SGTB: variants seen among roughly 807,000 people sequenced by gnomAD.
SGTB encodes small glutamine-rich tetratricopeptide repeat-containing protein beta.
A neutral mutation model predicts 43.9 loss-of-function variants in SGTB; 19 were observed. The ratio of observed to expected loss-of-function variants is 0.43; its 90% confidence interval spans 0.30 to 0.63. The LOEUF (loss-of-function observed/expected upper bound fraction) is 0.63, where lower values mean the gene tolerates loss of function less well. Among genes scored for constraint, SGTB ranks in the 30% least tolerant of loss-of-function variants. The probability of loss-of-function intolerance (pLI) is 0.12; values close to 1 mark genes in which losing one functional copy is unlikely to be tolerated. For synonymous variants in SGTB, 116 were observed against 117.3 expected, an observed-to-expected ratio of 0.99 and a Z score of 0.07; for missense variants, 304 against 358.9, an observed-to-expected ratio of 0.85 and a Z score of 1.24.
chr5:65,683,945 CAAAAAAAAAAAAAG>C (rs1372146015), intron 6 of SGTB, among the ~76,000 whole-genome samples: 1 of 80,564 alleles, frequency 1.2e-5, no homozygotes, highest in Non-Finnish European at 2.6e-5. Context: ...GACTCTGTCT[CAAAAAAAAAAAAAG>C]AAAAAAAGAG....
At chr5:65,712,536 C>T (rs1436107174) in intron 3 of SGTB, among the ~76,000 whole-genome samples, 4 of 152,166 alleles carry the variant, frequency 2.6e-5, no homozygotes, top group African/African-American at 9.7e-5. Context: ...TCAGAAATGA[C>T]GATTCAATTC....
At position 65,669,733 on chromosome 5, in the gene SGTB, T is replaced by TAATA. The variant is rs1757118305; in HGVS notation, c.*509_*512dup. On this transcript the variant is annotated 3_prime_UTR_variant, in exon 11 of 11. Coordinates refer to ENST00000381007, the MANE Select transcript of SGTB (RefSeq NM_019072.3). ...GGTTCCCATGTTATATATTCATTAC[T>TAATA]AATAGCACTTATCAAAGCTAAACCT... The TAATA allele has an allele frequency of 6.5e-6, 1 of 152,880 alleles. No individual in the cohort carries two copies. Among genetic ancestry groups the TAATA allele is most frequent in the South Asian group, 2.1e-4 (1 of 4,850 alleles). The allele number at this position is 152,880 out of a possible 1,614,324, so 9.5% of individuals were successfully genotyped here. A position where few individuals can be genotyped will look rare whatever the true frequency, so the allele number is the denominator to read the frequency against.
intron 5 of SGTB, among the ~76,000 whole-genome samples, chr5:65,704,009 G>A (rs1236895477): frequency 1.4e-5 from 2 of 147,478 alleles, no homozygotes; most frequent in African/African-American, 2.5e-5. Flanking sequence ...CTGCACTCCA[G>A]CCTGGGTGAC....
At chr5:65,718,446 AT>A (rs1758192072) in intron 2 of SGTB, among the ~76,000 whole-genome samples, 1 of 152,246 alleles carries the variant, frequency 6.6e-6, no homozygotes, top group East Asian at 1.9e-4. Context: ...ATCAATCAGT[AT>A]ATTGCAATTG....
At chr5:65,699,815 T>C (rs779727509) in intron 5 of SGTB, among the ~76,000 whole-genome samples, 66 of 152,262 alleles carry the variant, frequency 4.3e-4, no homozygotes, top group Admixed American at 2.0e-3. Flanking sequence ...AACATGAAAA[T>C]GGGAGTAAGA....
At chr5:65,709,222 C>T (rs1757997382) in intron 3 of SGTB, among the ~76,000 whole-genome samples, 1 of 151,968 alleles carries the variant, frequency 6.6e-6, no homozygotes, top group African/African-American at 2.4e-5. Flanking sequence ...TGTCTAATAT[C>T]CTATCTAAGA....
intron 5 of SGTB, among the ~76,000 whole-genome samples, chr5:65,686,641 G>A (rs897116383): frequency 6.6e-6 from 1 of 151,796 alleles, no homozygotes; most frequent in Non-Finnish European, 1.5e-5. Flanking sequence ...TTACAGGCAT[G>A]AGCCACCGCA....
chr5:65,680,896 T>A, intron 6 of SGTB, 102 bp from the exon 7 acceptor site: 1 of 1,255,162 alleles, frequency 8.0e-7, no homozygotes, highest in Non-Finnish European at 1.1e-6. Flanking sequence ...TCAGTTCTAA[T>A]CCAGATTACA....
At chr5:65,716,345 A>T (rs764806881) in intron 2 of SGTB, among the ~76,000 whole-genome samples, 2 of 152,264 alleles carry the variant, frequency 1.3e-5, no homozygotes, top group Non-Finnish European at 2.9e-5. Flanking sequence ...TTTTGAGTAG[A>T]TAAATGATAG....
At position 65,671,911 on chromosome 5, in the gene SGTB, T is replaced by G. The variant is rs998325091; in HGVS notation, c.803+4A>C. ...TCACTATTTCTGTTTTAAATAATAC[T>G]TACGCTTGGATGAGGCTTGACAGGT... is the stretch of plus-strand genomic sequence containing the variant. On this transcript the variant is annotated splice_donor_region_variant and intron_variant, in intron 10 of 10. Transcript: ENST00000381007. 119 of 1,613,190 alleles carry G rather than the reference T, an allele frequency of 7.4e-5. No individual in the cohort carries two copies. Among genetic ancestry groups the G allele is most frequent in the Non-Finnish European group, 9.7e-5 (115 of 1,179,588 alleles).
intron 8 of SGTB, among the ~76,000 whole-genome samples, chr5:65,676,552 T>A (rs1020281415): frequency 4.6e-5 from 7 of 151,994 alleles, no homozygotes; most frequent in Non-Finnish European, 7.4e-5. Flanking sequence ...ACAAAGATAT[T>A]CAAACCTGAC....
At chr5:65,683,698 G>A (rs1184067856) in intron 6 of SGTB, among the ~76,000 whole-genome samples, 2 of 152,202 alleles carry the variant, frequency 1.3e-5, no homozygotes, top group Non-Finnish European at 2.9e-5. Context: ...TGTAATCCCA[G>A]CACTTTGGGA....
At chr5:65,702,060 T>C (rs951933160) in intron 5 of SGTB, among the ~76,000 whole-genome samples, 10 of 152,298 alleles carry the variant, frequency 6.6e-5, no homozygotes, top group African/African-American at 2.2e-4. Context: ...ATATAGAACA[T>C]TTCGATCACT....
At chr5:65,679,709 T>C (rs897438730) in intron 8 of SGTB, among the ~76,000 whole-genome samples, 4 of 152,200 alleles carry the variant, frequency 2.6e-5, no homozygotes, top group Non-Finnish European at 5.9e-5. Flanking sequence ...TTTAACACTG[T>C]TGGTGGAAAT....
chr5:65,714,401 A>G (rs1270350051), intron 2 of SGTB, among the ~76,000 whole-genome samples: 1 of 152,226 alleles, frequency 6.6e-6, no homozygotes, highest in Non-Finnish European at 1.5e-5. Context: ...TAAGCAAAAT[A>G]TAAAGCATGT....
chr5:65,700,598 G>A (rs1375181151), intron 5 of SGTB, among the ~76,000 whole-genome samples: 1 of 149,992 alleles, frequency 6.7e-6, no homozygotes, highest in East Asian at 2.0e-4. Context: ...GGAGAATGGC[G>A]TGAACCCGGG....
chr5:65,687,732 T>C (rs1757527003), intron 5 of SGTB, among the ~76,000 whole-genome samples: 1 of 152,182 alleles, frequency 6.6e-6, no homozygotes, highest in Non-Finnish European at 1.5e-5. Flanking sequence ...TGAATGACAA[T>C]GGAATCCTAC....
At chr5:65,684,221 A>G (rs554328004) in intron 6 of SGTB, among the ~76,000 whole-genome samples, 7 of 151,952 alleles carry the variant, frequency 4.6e-5, no homozygotes, top group African/African-American at 1.7e-4. Context: ...AGTAGCTGGG[A>G]CTACAGGTGT....
chr5:65,722,225 C>A (rs1006960728), upstream of SGTB: 4 of 423,324 alleles, frequency 9.4e-6, no homozygotes, highest in Admixed American at 4.7e-5. Context: ...GTGGAGCTGC[C>A]GCACGTGGGA....
Sources: allele counts gnomAD v4.1 joint callset (sites outside exome capture counted in the v4.1 genomes callset), GRCh38; gene constraint gnomAD v4.1.1; transcripts MANE v1.5; gene names NCBI Gene and HGNC (gene_info 2026-07-23, HGNC 2026-07-21).